The following GADL1 variants were observed in gnomAD, a reference collection of about 807,000 sequenced individuals.
GADL1 encodes the protein GAD like acidic amino acid decarboxylase 1, also known as acidic amino acid decarboxylase GADL1.
Under a neutral mutation model 69.5 loss-of-function variants are expected in GADL1, and 71 were observed. The ratio of observed to expected loss-of-function variants is 1.02; its 90% CI spans 0.84 to 1.25. The LOEUF (loss-of-function observed/expected upper bound fraction) is 1.25. GADL1 is among the 50% of genes most tolerant of loss of function. The pLI is 0.00. For synonymous variants in GADL1, 254 were observed against 214.4 expected (o/e 1.18, Z -1.62); for missense variants, 737 against 631.8 (o/e 1.17, Z -1.79).
Position 30,795,697 on chromosome 3 carries a change from A to T in GADL1, c.1250+5192T>A, listed in dbSNP as rs543489975. Among the ~76,000 whole-genome samples the T allele has an allele frequency of 1.4e-4, 22 of 152,314 alleles. No homozygotes were observed. The South Asian group carries it at 2.7e-3, about 19-fold the overall frequency. Reference sequence around the variant, plus strand: ...AAAGCCCTTCTGTTGCTAATTTACTATAAATCTTAATTCTAGAGAAACTCT... The same window carrying T: ...AAAGCCCTTCTGTTGCTAATTTACTTTAAATCTTAATTCTAGAGAAACTCT... On this transcript the variant is annotated intron_variant, in intron 12 of 14. Transcript: ENST00000282538.
At chr3:30,798,266 TAA>T (rs1351632204) in intron 12 of GADL1, 2 of 152,992 alleles carry the variant, frequency 1.3e-5, no homozygotes, top group African/African-American at 2.4e-5. Flanking sequence ...ACGCTGCTGA[TAA>T]AGACATACCC....
At chr3:30,763,851 G>A (rs1268334439) in intron 14 of GADL1, among the ~76,000 whole-genome samples, 1 of 152,010 alleles carries the variant, frequency 6.6e-6, no homozygotes, top group Non-Finnish European at 1.5e-5. Context: ...AATTCTAAAT[G>A]TGAAGATATC....
At chr3:30,804,129 G>T (rs1697211607) in intron 11 of GADL1, among the ~76,000 whole-genome samples, 1 of 152,140 alleles carries the variant, frequency 6.6e-6, no homozygotes, top group Non-Finnish European at 1.5e-5. Context: ...ATTTTTATAG[G>T]CTTTTGTATA....
intron 1 of GADL1, among the ~76,000 whole-genome samples, chr3:30,871,956 T>C (rs2125541273): frequency 6.6e-6 from 1 of 152,156 alleles, no homozygotes; most frequent in Middle Eastern, 3.4e-3. Context: ...TAACCTAATC[T>C]TTTCAAGAGA....
chr3:30,773,575 A>G (rs1216896538), intron 14 of GADL1, among the ~76,000 whole-genome samples: 1 of 152,192 alleles, frequency 6.6e-6, no homozygotes, highest in African/African-American at 2.4e-5. Context: ...TTTCGATATT[A>G]ATATACTACA....
intron 14 of GADL1, among the ~76,000 whole-genome samples, chr3:30,755,660 G>A (rs1258260013): frequency 6.6e-6 from 1 of 152,120 alleles, no homozygotes; most frequent in Non-Finnish European, 1.5e-5. Flanking sequence ...TGAATCCCCT[G>A]TTAGACTATA....
In GADL1 at chr3:30,841,071, G is replaced by GA. The variant is rs200154001; in HGVS notation, c.787-1959dup. 2.0e-5 allele frequency among the ~76,000 whole-genome samples: 3 copies of GA among 152,260 alleles called. No homozygotes were observed. The East Asian group carries it at 5.8e-4, about 29-fold the overall frequency. On this transcript the variant is annotated intron_variant, in intron 8 of 14. Coordinates refer to ENST00000282538, the MANE Select transcript of GADL1 (RefSeq NM_207359.3). The stretch of plus-strand genomic sequence containing the variant: ...TAGGCCAGGGAGTTGAATCCCAGCA[G>GA]AAAAAATAGTTGATGGTACTATTCC...
intron 1 of GADL1, among the ~76,000 whole-genome samples, chr3:30,893,254 T>C (rs1698809136): frequency 6.6e-6 from 1 of 152,238 alleles, no homozygotes. Context: ...TTCTTCTTTT[T>C]AAGTTTTATT....
intron 11 of GADL1, among the ~76,000 whole-genome samples, chr3:30,813,125 C>T (rs2125513624): frequency 1.3e-5 from 2 of 152,168 alleles, no homozygotes; most frequent in South Asian, 4.2e-4. Flanking sequence ...ATAGCAAAGG[C>T]ATTCAGTAGT....
chr3:30,773,497 T>C (rs1179568226), intron 14 of GADL1, among the ~76,000 whole-genome samples: 1 of 152,186 alleles, frequency 6.6e-6, no homozygotes, highest in Non-Finnish European at 1.5e-5. Flanking sequence ...CTAAAAATAT[T>C]TTGGCACCTC....
chr3:30,736,620 C>T (rs879614329), intron 14 of GADL1, among the ~76,000 whole-genome samples: 10 of 152,046 alleles, frequency 6.6e-5, no homozygotes, highest in African/African-American at 1.5e-4. Context: ...ATTTTCTCCC[C>T]GAAGTGTCTA....
intron 1 of GADL1, among the ~76,000 whole-genome samples, chr3:30,866,992 A>C (rs1698413375): frequency 6.6e-6 from 1 of 152,026 alleles, no homozygotes; most frequent in African/African-American, 2.4e-5. Flanking sequence ...TGGCCCAGAC[A>C]TGAGAAGAGC....
chr3:30,786,591 T>TA (rs1164756030), intron 12 of GADL1, among the ~76,000 whole-genome samples, 185 bp from the exon 13 acceptor site: 1 of 152,178 alleles, frequency 6.6e-6, no homozygotes, highest in Non-Finnish European at 1.5e-5. Flanking sequence ...TTGGCCTGAG[T>TA]AAAAGGATGC....
At chr3:30,829,567 A>G (rs1461686964) in intron 11 of GADL1, among the ~76,000 whole-genome samples, 2 of 151,922 alleles carry the variant, frequency 1.3e-5, no homozygotes, top group African/African-American at 4.8e-5. Flanking sequence ...CTTATCAACT[A>G]ATCAACTATA....
At chr3:30,882,369 C>A (rs534374360) in intron 1 of GADL1, among the ~76,000 whole-genome samples, 1 of 151,852 alleles carries the variant, frequency 6.6e-6, no homozygotes, top group East Asian at 2.0e-4. Flanking sequence ...TGGAAATCAC[C>A]ATCCTGTTTT....
At chr3:30,774,337 A>G (rs1466735962) in intron 14 of GADL1, among the ~76,000 whole-genome samples, 1 of 152,208 alleles carries the variant, frequency 6.6e-6, no homozygotes, top group Non-Finnish European at 1.5e-5. Context: ...ATAATTATTC[A>G]AGCGCAGAAC....
intron 11 of GADL1, among the ~76,000 whole-genome samples, chr3:30,805,693 G>GTAGAC (rs1484812325): frequency 7.0e-6 from 1 of 143,508 alleles, no homozygotes; most frequent in Non-Finnish European, 1.5e-5. Flanking sequence ...TGATCCCATG[G>GTAGAC]GTCTACTAAG....
chr3:30,861,553 T>C, intron 2 of GADL1, 40 bp downstream of exon 2: 1 of 1,452,034 alleles, frequency 6.9e-7, no homozygotes, highest in Non-Finnish European at 9.4e-7. Flanking sequence ...AACATCTATC[T>C]TTCCCATTTC....
intron 14 of GADL1, among the ~76,000 whole-genome samples, chr3:30,776,261 G>C (rs1175099645): frequency 6.6e-6 from 1 of 152,060 alleles, no homozygotes; most frequent in Non-Finnish European, 1.5e-5. Context: ...ACAATTTCTA[G>C]CTTAGTGAGA....
Sources: gnomAD v4.1 joint callset for allele counts (sites outside exome capture counted in the v4.1 genomes callset) on GRCh38, gnomAD v4.1.1 for gene constraint, MANE v1.5 for transcripts, NCBI Gene and HGNC (gene_info 2026-07-23, HGNC 2026-07-21) for gene names.